Variants in MYH14 observed in about 807,000 individuals in gnomAD.
The protein encoded by MYH14 is myosin heavy chain 14.
In MYH14, 123 loss-of-function variants were observed where a neutral mutation model predicts 255.5. The observed-to-expected ratio is 0.48, with a 90% CI of 0.42 to 0.56. The LOEUF is 0.56. MYH14 is among the 20% of genes least tolerant of loss of function. The pLI, the probability that MYH14 is intolerant of heterozygous loss-of-function variation, is 0.00. For synonymous variants in MYH14, 1,095 were observed against 1,161.2 expected (o/e 0.94, Z 1.16); for missense variants, 2,423 against 2,802.3 (o/e 0.86, Z 3.06).
intron 41 of MYH14, chr19:50,308,595 G>C (rs1183673122): frequency 5.5e-6 from 1 of 182,196 alleles, no homozygotes; most frequent in African/African-American, 2.4e-5. Flanking sequence ...GGTAGGGTCT[G>C]GGGAGGATCT....
At position 50,232,066 on chromosome 19, in the gene MYH14, C is replaced by A; in HGVS notation, c.1110C>A (p.Ile370=). Residue 370 remains isoleucine, a synonymous_variant, in exon 10 of 43, where the codon ATC becomes ATA. Coordinates refer to ENST00000642316, the MANE Select transcript of MYH14 (RefSeq NM_001145809.2). ...LRVLGFSHEE[I]ISMLRMVSAV... is the part of the protein sequence containing the mutation. Reference sequence around the variant, plus strand: ...TCCTGGGATTCAGCCACGAGGAAATCATCTGTGAGTGAGCCCCGTGGAGGC... The same window carrying A: ...TCCTGGGATTCAGCCACGAGGAAATAATCTGTGAGTGAGCCCCGTGGAGGC... 1.9e-6 allele frequency: 3 copies of A among 1,611,746 alleles called. No homozygotes were observed. Among genetic ancestry groups the A allele is most frequent in the Non-Finnish European group, 2.5e-6 (3 of 1,179,878 alleles).
intron 39 of MYH14, among the ~76,000 whole-genome samples, chr19:50,296,352 A>C (rs1327687014): frequency 6.6e-6 from 1 of 152,146 alleles, no homozygotes; most frequent in African/African-American, 2.4e-5. Context: ...TCACACCTGT[A>C]ATCCTAGCTC....
intron 42 of MYH14, 60 bp from the exon 43 acceptor site, chr19:50,309,578 CCT>C: frequency 9.1e-7 from 1 of 1,099,730 alleles, no homozygotes; most frequent in Admixed American, 2.0e-5. Flanking sequence ...CTCTCCTCCC[CCT>C]TTCTCCTCCC....
At chr19:50,210,980 A>T (rs565098370) in intron 2 of MYH14, among the ~76,000 whole-genome samples, 1 of 152,374 alleles carries the variant, frequency 6.6e-6, no homozygotes, top group East Asian at 1.9e-4. Flanking sequence ...ATTGCATGAT[A>T]CATATGGTAG....
intron 33 of MYH14, among the ~76,000 whole-genome samples, chr19:50,282,195 A>C (rs2035748572): frequency 2.0e-5 from 3 of 152,312 alleles, no homozygotes; most frequent in Middle Eastern, 6.8e-3. Flanking sequence ...ACCTCAGGCA[A>C]GTTGCTTTTT....
In MYH14 at chr19:50,276,271, CA is replaced by C. The variant is rs1352701383; in HGVS notation, c.3680+71del. 8.2e-7 allele frequency: 1 copy of C among 1,219,748 alleles called. No individual in the cohort carries two copies. The highest frequency in any genetic ancestry group is 1.5e-5 in the African/African-American group (1 of 66,210). 75.6% of individuals were successfully genotyped at this position (1,219,748 alleles called of 1,614,324 possible). A position where few individuals can be genotyped will look rare whatever the true frequency, so the allele number is the denominator to read the frequency against. On this transcript the variant is annotated intron_variant, in intron 28 of 42. Coordinates refer to ENST00000642316, the MANE Select transcript of MYH14 (RefSeq NM_001145809.2). This position sits in a 1 kb window ranked among gnomAD's most constrained non-coding sequence, Gnocchi z 4.3. ...CAGGGCTGGGGGAAGGACTTAGGTA[CA>C]AAGTCTCTGTCTATACAGAGGCTTA...
chr19:50,223,640 A>G (rs1234845907), intron 5 of MYH14, among the ~76,000 whole-genome samples: 1 of 152,160 alleles, frequency 6.6e-6, no homozygotes, highest in Non-Finnish European at 1.5e-5. Flanking sequence ...GGTGATCATG[A>G]TGCCTGGGTT....
Position 50,249,451 on chromosome 19 carries a change from G to T in MYH14, c.1483-199G>T, listed in dbSNP as rs533454972. 15 of 642,768 alleles carry T rather than the reference G, an allele frequency of 2.3e-5. No homozygotes were observed. The African/African-American group carries it at 2.8e-4, about 12-fold the overall frequency. The allele number at this position is 642,768 out of a possible 1,614,324, so 39.8% of individuals were successfully genotyped here. A position where few individuals can be genotyped will look rare whatever the true frequency, so the allele number is the denominator to read the frequency against. On this transcript the variant is annotated intron_variant, in intron 13 of 42. Transcript: ENST00000642316. ...TCTGGGTCTCTGCCTCTCTGTCTCTGGGTCTCTGTCCCCTGTCTCTGGCTC... is the reference window on the plus strand; with the variant it reads ...TCTGGGTCTCTGCCTCTCTGTCTCTTGGTCTCTGTCCCCTGTCTCTGGCTC...
intron 2 of MYH14, among the ~76,000 whole-genome samples, chr19:50,217,414 T>G (rs1174208172): frequency 6.6e-6 from 1 of 152,172 alleles, no homozygotes; most frequent in African/African-American, 2.4e-5. Context: ...AGACAGTGCC[T>G]TTGTGCAATT....
At chr19:50,279,134 C>T (rs548352388) in intron 30 of MYH14, among the ~76,000 whole-genome samples, 2 of 152,090 alleles carry the variant, frequency 1.3e-5, no homozygotes, top group Non-Finnish European at 2.9e-5. Context: ...CTTTAGCTAT[C>T]ATCCCCCACT....
In MYH14 at chr19:50,268,176, G is replaced by A. The variant is rs772197124; in HGVS notation, c.2842G>A (p.Ala948Thr). ...CACTCCCCAGCTGGAAGAGGAGCGC[G>A]CCCGCCTGGCAGAGCAATTGCGAGC... Reference protein sequence around the residue: ...GRVAQLEEERARLAEQLRAEA... With the variant: ...GRVAQLEEERTRLAEQLRAEA... Residue 948 changes from alanine to threonine, a missense_variant, in exon 24 of 43, where the codon GCC (alanine) becomes ACC (threonine). Around this residue, in one of 3 missense-constraint regions of MYH14, gnomAD observed 1,513 missense variants for 1,674.8 expected, o/e 0.90. Coordinates refer to ENST00000642316, the MANE Select transcript of MYH14 (RefSeq NM_001145809.2). 15 of 1,547,380 alleles carry A rather than the reference G, an allele frequency of 9.7e-6. No homozygotes were observed. The highest frequency in any genetic ancestry group is 1.4e-5 in the African/African-American group (1 of 73,060).
At chr19:50,290,816 C>T in intron 35 of MYH14, 71 bp from the exon 36 acceptor site, 1 of 1,473,938 alleles carries the variant, frequency 6.8e-7, no homozygotes, top group Non-Finnish European at 9.1e-7. Flanking sequence ...GGCAGACATC[C>T]ATGTCCCTAG....
intron 39 of MYH14, among the ~76,000 whole-genome samples, chr19:50,296,887 T>G (rs2036285794): frequency 6.8e-6 from 1 of 147,144 alleles, no homozygotes. Flanking sequence ...TTTAAAAAAA[T>G]ATTAATTAGT....
intron 39 of MYH14, among the ~76,000 whole-genome samples, chr19:50,295,939 C>T (rs1309242283): frequency 6.6e-6 from 1 of 151,908 alleles, no homozygotes; most frequent in Non-Finnish European, 1.5e-5. Flanking sequence ...GGTGAAACCC[C>T]GTCTCTACTA....
At chr19:50,307,874 C>T (rs1174675073) in intron 41 of MYH14, among the ~76,000 whole-genome samples, 3 of 152,208 alleles carry the variant, frequency 2.0e-5, no homozygotes, top group Admixed American at 6.5e-5. Flanking sequence ...GCTTTATTCG[C>T]CATTCATTCC....
intron 2 of MYH14, among the ~76,000 whole-genome samples, chr19:50,215,707 TG>T (rs1446741945): frequency 6.6e-6 from 1 of 152,182 alleles, no homozygotes; most frequent in East Asian, 1.9e-4. Context: ...TGGTCCCATC[TG>T]CTTGGGAGGC....
intron 17 of MYH14, 55 bp from the exon 18 acceptor site, chr19:50,257,244 T>C (rs765691540): frequency 6.8e-7 from 1 of 1,460,132 alleles, no homozygotes; most frequent in Admixed American, 2.1e-5. Context: ...TTGGCCCAGG[T>C]CCCTAAAACT....
At chr19:50,298,024 C>T (rs111541568) in intron 39 of MYH14, among the ~76,000 whole-genome samples, 5 of 152,238 alleles carry the variant, frequency 3.3e-5, no homozygotes, top group African/African-American at 1.2e-4. Flanking sequence ...CTCCTGGGAG[C>T]GCCACCCTCC....
intron 39 of MYH14, among the ~76,000 whole-genome samples, chr19:50,297,437 T>C (rs1471697148): frequency 6.6e-6 from 1 of 151,678 alleles, no homozygotes; most frequent in Admixed American, 6.6e-5. Context: ...TTGCAATCTC[T>C]GCCTTTAACT....
Sources: allele counts gnomAD v4.1 joint callset (sites outside exome capture counted in the v4.1 genomes callset), GRCh38; gene constraint gnomAD v4.1.1; regional missense constraint gnomAD v4.1.1; non-coding constraint Gnocchi (gnomAD v3.1); transcripts MANE v1.5; gene names NCBI Gene and HGNC (gene_info 2026-07-23, HGNC 2026-07-21).